The following VTCN1 variants were observed in gnomAD, a reference collection of about 807,000 sequenced individuals.
VTCN1 encodes the protein V-set domain containing T cell activation inhibitor 1, also known as V-set domain-containing T-cell activation inhibitor 1.
VTCN1 carries 26 observed loss-of-function variants against 26.5 expected under a neutral mutation model. That is an observed-to-expected ratio of 0.98 (90% confidence interval 0.72 to 1.36). VTCN1 has a LOEUF of 1.36. Ranked by LOEUF, VTCN1 falls within the 40% of genes most tolerant of loss-of-function variation. VTCN1 has a pLI of 0.00. For synonymous variants in VTCN1, 116 were observed against 130.7 expected, an observed-to-expected ratio of 0.89 and a Z score of 0.77; for missense variants, 298 against 337.7, an observed-to-expected ratio of 0.88 and a Z score of 0.92.
chr1:117,173,013 A>C (rs931980507), intron 1 of VTCN1, among the ~76,000 whole-genome samples: 12 of 152,166 alleles, frequency 7.9e-5, no homozygotes, highest in African/African-American at 2.4e-4. Flanking sequence ...TTCACAGTAA[A>C]TCTTGCTGCT....
intron 1 of VTCN1, among the ~76,000 whole-genome samples, chr1:117,194,657 C>A (rs1355397127): frequency 6.6e-6 from 1 of 152,158 alleles, no homozygotes; most frequent in African/African-American, 2.4e-5. Flanking sequence ...GAAATTGTGT[C>A]CCATATTTAC....
chr1:117,181,802 T>C (rs1647683629), intron 1 of VTCN1, among the ~76,000 whole-genome samples: 1 of 152,122 alleles, frequency 6.6e-6, no homozygotes, highest in Non-Finnish European at 1.5e-5. Context: ...GGACGTGCAT[T>C]TCAGCGAGGT....
chr1:117,179,808 C>T (rs1269831007), intron 1 of VTCN1, among the ~76,000 whole-genome samples: 2 of 152,136 alleles, frequency 1.3e-5, no homozygotes, highest in African/African-American at 4.8e-5. Context: ...ACTGCCTCAT[C>T]GATCTAATCT....
chr1:117,174,034 A>C (rs1211100384), intron 1 of VTCN1, among the ~76,000 whole-genome samples: 1 of 147,888 alleles, frequency 6.8e-6, no homozygotes, highest in Non-Finnish European at 1.5e-5. Flanking sequence ...AGCAGGAACT[A>C]CCAGAGCAGC....
In VTCN1 at chr1:117,153,156, T is replaced by C. The variant is rs1481383803; in HGVS notation, c.659A>G (p.Asn220Ser). The change falls in exon 4 of 6, where the codon AAC becomes AGC. Residue 220 changes from asparagine to serine, a missense_variant. By Grantham distance (46) the Asn-to-Ser change is conservative. Transcript: ENST00000369458. Reference protein sequence around the residue: ...VVSVLYNVTINNTYSCMIEND... With the variant: ...VVSVLYNVTISNTYSCMIEND... ...TTCAATCATACAGGAGTATGTGTTGTTGATCGTAACATTGTAGAGCACAGA... is the reference window on the plus strand; with the variant it reads ...TTCAATCATACAGGAGTATGTGTTGCTGATCGTAACATTGTAGAGCACAGA... 3 of 1,614,084 alleles carry C rather than the reference T, an allele frequency of 1.9e-6. No individual in the cohort carries two copies. Among genetic ancestry groups the C allele is most frequent in the East Asian group, 2.2e-5 (1 of 44,880 alleles).
chr1:117,152,952 G>T, intron 4 of VTCN1, 139 bp downstream of exon 4: 1 of 976,186 alleles, frequency 1.0e-6, no homozygotes, highest in South Asian at 1.7e-5. Context: ...ATCTCAACTG[G>T]AATTGAGTGA....
At chr1:117,176,247 T>C (rs1358088282) in intron 1 of VTCN1, among the ~76,000 whole-genome samples, 1 of 152,220 alleles carries the variant, frequency 6.6e-6, no homozygotes, top group Non-Finnish European at 1.5e-5. Flanking sequence ...AAACTGAGGC[T>C]TAGCTTAAGT....
intron 1 of VTCN1, among the ~76,000 whole-genome samples, chr1:117,176,968 GT>G (rs1203471438): frequency 1.3e-5 from 2 of 152,080 alleles, no homozygotes; most frequent in African/African-American, 4.8e-5. Flanking sequence ...GCGTGGTGGT[GT>G]GCATGCGTAG....
chr1:117,171,657 T>C (rs564336519), intron 1 of VTCN1, among the ~76,000 whole-genome samples: 2 of 152,376 alleles, frequency 1.3e-5, no homozygotes, highest in South Asian at 4.1e-4. Context: ...GCTAGAATTA[T>C]ATGGCAGACA....
chr1:117,172,389 A>G (rs765552442), intron 1 of VTCN1: 1 of 518,814 alleles, frequency 1.9e-6, no homozygotes, highest in East Asian at 5.4e-5. Context: ...ATATTTGGCC[A>G]CTGCTCCTCT....
intron 1 of VTCN1, among the ~76,000 whole-genome samples, chr1:117,188,569 T>C (rs1648078750): frequency 6.6e-6 from 1 of 152,232 alleles, no homozygotes; most frequent in African/African-American, 2.4e-5. Context: ...TTATAACTAC[T>C]GGTCATGCTG....
chr1:117,153,484 A>G, intron 3 of VTCN1, 115 bp from the exon 4 acceptor site: 1 of 1,060,408 alleles, frequency 9.4e-7, no homozygotes, highest in Non-Finnish European at 1.3e-6. Context: ...TTTTTTTATC[A>G]TTGAAGCCAC....
At chr1:117,201,916 A>C (rs1648809872) in intron 1 of VTCN1, among the ~76,000 whole-genome samples, 1 of 152,214 alleles carries the variant, frequency 6.6e-6, no homozygotes, top group African/African-American at 2.4e-5. Context: ...GGATGAGCAG[A>C]AGTGAAATCA....
At chr1:117,179,137 C>T (rs56093811) in intron 1 of VTCN1, among the ~76,000 whole-genome samples, 3 of 152,138 alleles carry the variant, frequency 2.0e-5, no homozygotes, top group South Asian at 2.1e-4. Context: ...TCTCAAACTC[C>T]GTACTACGAA....
At chr1:117,205,157 T>TAGAGAGAG (rs60000486) in intron 1 of VTCN1, among the ~76,000 whole-genome samples, 1 of 137,992 alleles carries the variant, frequency 7.2e-6, no homozygotes, top group Non-Finnish European at 1.5e-5. Context: ...TATATATATA[T>TAGAGAGAG]AGAGAGAGAG....
chr1:117,199,168 T>A (rs903343105), intron 1 of VTCN1, among the ~76,000 whole-genome samples: 3 of 152,188 alleles, frequency 2.0e-5, no homozygotes, highest in Admixed American at 6.5e-5. Context: ...CATTAACAAG[T>A]ATTATTTTTA....
intron 4 of VTCN1, among the ~76,000 whole-genome samples, chr1:117,148,410 TTAA>T (rs1651623816): frequency 6.6e-6 from 1 of 152,206 alleles, no homozygotes; most frequent in Non-Finnish European, 1.5e-5. Context: ...CTTATGAGGA[TTAA>T]TGAGTTAGTG....
intron 4 of VTCN1, among the ~76,000 whole-genome samples, chr1:117,148,058 T>C (rs1188593732): frequency 6.6e-6 from 1 of 152,188 alleles, no homozygotes; most frequent in South Asian, 2.1e-4. Flanking sequence ...AAATAAAGAA[T>C]AGGCTAAACA....
intron 1 of VTCN1, among the ~76,000 whole-genome samples, chr1:117,200,051 T>G (rs1416258749): frequency 6.6e-6 from 1 of 152,154 alleles, no homozygotes; most frequent in Non-Finnish European, 1.5e-5. Flanking sequence ...TGTAAAAAAC[T>G]ATTCACAGTT....
Sources: allele counts gnomAD v4.1 joint callset (sites outside exome capture counted in the v4.1 genomes callset), GRCh38; gene constraint gnomAD v4.1.1; transcripts MANE v1.5; gene names NCBI Gene and HGNC (gene_info 2026-07-23, HGNC 2026-07-21).